MAPRE2: variants seen among roughly 807,000 people sequenced by gnomAD.
MAPRE2 encodes microtubule-associated protein RP/EB family member 2.
A neutral mutation model predicts 43.2 loss-of-function variants in MAPRE2; 13 were observed. That is an observed-to-expected ratio of 0.30 (90% CI 0.20 to 0.48). The LOEUF (loss-of-function observed/expected upper bound fraction) is 0.48, where lower values mean the gene tolerates loss of function less well. Among genes scored for constraint, MAPRE2 ranks in the 20% least tolerant of loss-of-function variants. The pLI is 0.99. For synonymous variants in MAPRE2, 135 were observed against 148.8 expected, an observed-to-expected ratio of 0.91 and a Z score of 0.68; for missense variants, 161 against 400.2, an observed-to-expected ratio of 0.40 and a Z score of 5.10.
chr18:35,106,898 T>C (rs1157208876), intron 4 of MAPRE2, among the ~76,000 whole-genome samples: 1 of 152,198 alleles, frequency 6.6e-6, no homozygotes, highest in Non-Finnish European at 1.5e-5. Flanking sequence ...CATGCATCAT[T>C]GTGAATCATG....
At position 34,985,628 on chromosome 18, in the gene MAPRE2, T is replaced by TATATATTATAATAATATATAAC. The variant is rs1555909554; in HGVS notation, c.-70+8554_-70+8575dup. On this transcript the variant is annotated intron_variant, in intron 1 of 7. Transcript: ENST00000413393. ...TGATATATTATAATAATATATAACA[T>TATATATTATAATAATATATAAC]ATATATTATAATAATATATAACATA... is the stretch of plus-strand genomic sequence containing the variant. Among the ~76,000 whole-genome samples the TATATATTATAATAATATATAAC allele has an allele frequency of 2.0e-4, 20 of 99,054 alleles. 1 individual carries two copies. Among genetic ancestry groups the TATATATTATAATAATATATAAC allele is most frequent in the Middle Eastern group, 0.01 (1 of 96 alleles). The allele number at this position is 99,054 out of a possible 152,430, so 65.0% of individuals were successfully genotyped here.
At chr18:35,092,917 A>G (rs972011719) in intron 2 of MAPRE2, among the ~76,000 whole-genome samples, 11 of 152,186 alleles carry the variant, frequency 7.2e-5, no homozygotes, top group South Asian at 2.1e-4. Context: ...TAGAATGGCT[A>G]TTATCAAAAA....
At chr18:35,046,513 T>C (rs1905628742) in intron 1 of MAPRE2, among the ~76,000 whole-genome samples, 1 of 152,200 alleles carries the variant, frequency 6.6e-6, no homozygotes, top group South Asian at 2.1e-4. Context: ...GCCAGGTGTG[T>C]TGGGCAGTGG....
At chr18:34,982,562 C>T (rs1029954406) in intron 1 of MAPRE2, among the ~76,000 whole-genome samples, 1 of 152,186 alleles carries the variant, frequency 6.6e-6, no homozygotes, top group Non-Finnish European at 1.5e-5. Flanking sequence ...AAAAGTCTGG[C>T]TTTGGTATTT....
At chr18:34,985,785 C>G (rs1282212012) in intron 1 of MAPRE2, among the ~76,000 whole-genome samples, 1 of 102,286 alleles carries the variant, frequency 9.8e-6, no homozygotes, top group Non-Finnish European at 2.2e-5. Flanking sequence ...TTGTTTAATA[C>G]CTTGTTGAAA....
At position 34,990,977 on chromosome 18, in the gene MAPRE2, T is replaced by C. The variant is rs147369307; in HGVS notation, c.-70+13898T>C. ...GTTTTGTGAACTTGGGGACAGATAA[T>C]CTGATGGGGGGAGGATCAGCTCCTG... On this transcript the variant is annotated intron_variant, in intron 1 of 7. Coordinates refer to the MAPRE2 transcript ENST00000413393. Among the ~76,000 whole-genome samples, 21 of 152,352 alleles carry C rather than the reference T, an allele frequency of 1.4e-4. No individual in the cohort carries two copies. In the East Asian group the frequency reaches 3.7e-3, roughly 27 times the overall value.
At chr18:34,982,029 C>T (rs977214922) in intron 1 of MAPRE2, among the ~76,000 whole-genome samples, 9 of 151,550 alleles carry the variant, frequency 5.9e-5, no homozygotes, top group African/African-American at 2.2e-4. Context: ...GGACTACAGC[C>T]CCCGCCACCA....
intron 2 of MAPRE2, among the ~76,000 whole-genome samples, chr18:35,017,311 A>T (rs1201591351): frequency 6.3e-5 from 9 of 143,190 alleles, no homozygotes; most frequent in Non-Finnish European, 1.4e-4. Context: ...TCCATATGGA[A>T]TTTTATAATT....
intron 3 of MAPRE2, among the ~76,000 whole-genome samples, chr18:35,099,250 T>G (rs756866211): frequency 7.9e-4 from 120 of 152,330 alleles, no homozygotes; most frequent in Non-Finnish European, 1.2e-3. Context: ...AGTTGATTTC[T>G]AACAATCAAT....
At chr18:35,099,279 T>G (rs557888518) in intron 3 of MAPRE2, among the ~76,000 whole-genome samples, 1 of 152,146 alleles carries the variant, frequency 6.6e-6, no homozygotes, top group Non-Finnish European at 1.5e-5. Context: ...AAACAAAAAT[T>G]TTAAACTCAG....
rs562976903 is a variant in MAPRE2 at position 35,094,450 on chromosome 18, A to T, written c.251-2996A>T. ...ATAAGAATGTGGAACTGCCATGGAG[A>T]CAAAAAAGGCAATTTAAAATCTAGA... On this transcript the variant is annotated intron_variant, in intron 2 of 6. Transcript: ENST00000300249. Among the ~76,000 whole-genome samples the T allele has an allele frequency of 9.8e-5, 15 of 152,290 alleles. 1 individual carries two copies. In the South Asian group the frequency reaches 2.9e-3, roughly 29 times the overall value.
intron 3 of MAPRE2, among the ~76,000 whole-genome samples, chr18:35,100,204 A>G (rs1054897536): frequency 2.0e-5 from 3 of 152,238 alleles, no homozygotes; most frequent in African/African-American, 7.2e-5. Context: ...CAAAGATGTA[A>G]AAGGTAAGAA....
chr18:35,017,108 T>A (rs1319277726), intron 2 of MAPRE2, among the ~76,000 whole-genome samples: 2 of 152,038 alleles, frequency 1.3e-5, no homozygotes, highest in East Asian at 1.9e-4. Context: ...ATCAGGTGGC[T>A]GTGTCCCTTT....
chr18:35,014,375 C>T (rs112755153), intron 2 of MAPRE2, among the ~76,000 whole-genome samples: 7 of 144,070 alleles, frequency 4.9e-5, no homozygotes, highest in African/African-American at 1.0e-4. Flanking sequence ...GCTAGTCTCC[C>T]GGGCAGGGTG....
At chr18:35,135,774 T>C (rs1910363169) in intron 6 of MAPRE2, among the ~76,000 whole-genome samples, 1 of 152,226 alleles carries the variant, frequency 6.6e-6, no homozygotes, top group Non-Finnish European at 1.5e-5. Context: ...ATGATGTACA[T>C]GGCGTCTGGG....
chr18:35,122,719 C>A (rs975543605), intron 4 of MAPRE2, among the ~76,000 whole-genome samples: 1 of 152,192 alleles, frequency 6.6e-6, no homozygotes, highest in Non-Finnish European at 1.5e-5. Flanking sequence ...ATTTTCATCG[C>A]CTGCACCTCT....
chr18:35,106,399 C>T (rs1908908408), intron 4 of MAPRE2, among the ~76,000 whole-genome samples: 1 of 151,948 alleles, frequency 6.6e-6, no homozygotes, highest in South Asian at 2.1e-4. Flanking sequence ...AGTGGCAGCT[C>T]CCAAACATTT....
intron 2 of MAPRE2, chr18:35,005,661 A>T: frequency 1.7e-6 from 1 of 576,026 alleles, no homozygotes; most frequent in South Asian, 3.6e-5. Flanking sequence ...TCCAGTACAC[A>T]ATTAAAGCCG....
chr18:35,015,882 G>A (rs1001421766), intron 2 of MAPRE2, among the ~76,000 whole-genome samples: 3 of 151,860 alleles, frequency 2.0e-5, no homozygotes, highest in African/African-American at 2.4e-5. Context: ...CGATGCTGAC[G>A]TTTTGGGTAT....
Sources: gnomAD v4.1 joint callset for allele counts (sites outside exome capture counted in the v4.1 genomes callset) on GRCh38, gnomAD v4.1.1 for gene constraint, MANE v1.5 for transcripts, NCBI Gene and HGNC (gene_info 2026-07-23, HGNC 2026-07-21) for gene names.